Variants in SLC60A2 observed in about 807,000 individuals in gnomAD.
SLC60A2 encodes the protein major facilitator superfamily domain containing 4B.
At chr6:111,267,814 C>G in the SLC60A2 span, 2 of 152,174 alleles carry the variant, frequency 1.3e-5, no homozygotes, top group Non-Finnish European at 2.9e-5. Context: ...CATCTAGACT[C>G]CGTCTCAAAA....
chr6:111,264,410 C>G, the SLC60A2 span, among the ~76,000 whole-genome samples: 2 of 91,632 alleles, frequency 2.2e-5, no homozygotes, highest in Non-Finnish European at 4.7e-5. Context: ...ATAGTGTGGA[C>G]TAGGCTCTTT....
the SLC60A2 span, chr6:111,262,507 T>C: frequency 7.4e-7 from 1 of 1,348,176 alleles, no homozygotes; most frequent in South Asian, 1.3e-5. Flanking sequence ...AATACTAGCA[T>C]GCAGAATGGT....
the SLC60A2 span, chr6:111,271,167 CAAAAAAAAAAAAAAA>C: frequency 6.8e-5 from 5 of 73,586 alleles, no homozygotes; most frequent in East Asian, 4.4e-4. Flanking sequence ...GACTCCATCT[CAAAAAAAAAAAAAAA>C]AAAAAAAAAA....
the SLC60A2 span, among the ~76,000 whole-genome samples, chr6:111,262,774 A>G: frequency 1.3e-5 from 2 of 152,196 alleles, no homozygotes; most frequent in Non-Finnish European, 2.9e-5. Context: ...ACAGATCAGA[A>G]TGAGCTCTTT....
At chr6:111,266,607 ACCAT>A in the SLC60A2 span, 7 of 1,614,092 alleles carry the variant, frequency 4.3e-6, no homozygotes, top group African/African-American at 8.0e-5. Context: ...GCAGTACACG[ACCAT>A]CCATGGGAAA....
At chr6:111,271,849 A>ATCCCACT in the SLC60A2 span, among the ~76,000 whole-genome samples, 305 of 141,532 alleles carry the variant, frequency 2.2e-3, 1 homozygote, top group African/African-American at 7.3e-3. Flanking sequence ...GGCATTTGTA[A>ATCCCACT]TCCCACTTCT....
the SLC60A2 span, among the ~76,000 whole-genome samples, chr6:111,274,891 T>C: frequency 6.6e-6 from 1 of 152,184 alleles, no homozygotes; most frequent in Non-Finnish European, 1.5e-5. Context: ...GATTGGTTCT[T>C]ACACTGTGAC....
chr6:111,266,832 G>T, the SLC60A2 span: 1 of 1,613,872 alleles, frequency 6.2e-7, no homozygotes, highest in East Asian at 2.2e-5. Context: ...AAAGAGTGAG[G>T]ACCAGAAAGC....
chr6:111,259,429 G>A, the SLC60A2 span: 36 of 404,174 alleles, frequency 8.9e-5, no homozygotes, highest in Admixed American at 1.3e-3. Flanking sequence ...GGGAGGTGGC[G>A]CCCGGAGGGA....
At chr6:111,260,374 C>G in the SLC60A2 span, among the ~76,000 whole-genome samples, 1 of 152,194 alleles carries the variant, frequency 6.6e-6, no homozygotes, top group Admixed American at 6.5e-5. Context: ...CAAATTCAGC[C>G]AACCGCTTAA....
At chr6:111,263,882 G>T in the SLC60A2 span, 1 of 1,612,492 alleles carries the variant, frequency 6.2e-7, no homozygotes, top group Non-Finnish European at 8.5e-7. Context: ...CTTTTTGCAA[G>T]ACAGCAATAT....
At chr6:111,269,989 G>A in the SLC60A2 span, 1 of 121,102 alleles carries the variant, frequency 8.3e-6, no homozygotes, top group Non-Finnish European at 1.5e-5. Flanking sequence ...GTCTGTACAG[G>A]CTGTACTGAA....
chr6:111,266,969 G>A, the SLC60A2 span: 1 of 1,614,158 alleles, frequency 6.2e-7, no homozygotes, highest in Non-Finnish European at 8.5e-7. Context: ...CTATAATAGA[G>A]ACATCTAGAA....
chr6:111,276,799 G>T, the SLC60A2 span, among the ~76,000 whole-genome samples: 1 of 152,202 alleles, frequency 6.6e-6, no homozygotes, highest in Non-Finnish European at 1.5e-5. Flanking sequence ...TCTCACAGCA[G>T]TTCTGCCCCT....
chr6:111,261,145 T>A, the SLC60A2 span, among the ~76,000 whole-genome samples: 2 of 152,252 alleles, frequency 1.3e-5, no homozygotes, highest in African/African-American at 4.8e-5. Flanking sequence ...TAATATTTTT[T>A]AAGCAACCTT....
chr6:111,265,375 G>A, the SLC60A2 span: 1 of 985,188 alleles, frequency 1.0e-6, no homozygotes, highest in Non-Finnish European at 1.2e-6. Context: ...CCTCTAATGG[G>A]CATACCAGAA....
the SLC60A2 span, chr6:111,271,297 CTG>C: frequency 6.6e-6 from 1 of 150,500 alleles, no homozygotes; most frequent in African/African-American, 2.4e-5. Context: ...TTCAATTACT[CTG>C]TTATTTTTAA....
chr6:111,270,637 C>G, the SLC60A2 span: 2 of 152,210 alleles, frequency 1.3e-5, no homozygotes, highest in African/African-American at 2.4e-5. Flanking sequence ...GTCAGGAGAT[C>G]AAGACCATCC....
the SLC60A2 span, among the ~76,000 whole-genome samples, chr6:111,272,712 A>G: frequency 6.6e-6 from 1 of 151,710 alleles, no homozygotes. Flanking sequence ...GGGTTTTACC[A>G]TGTTGGTCAG....
Sources: allele counts gnomAD v4.1 joint callset (sites outside exome capture counted in the v4.1 genomes callset), GRCh38; gene constraint gnomAD v4.1.1; transcripts MANE v1.5; gene names NCBI Gene and HGNC (gene_info 2026-07-23, HGNC 2026-07-21).